HELZ: variants seen among roughly 807,000 people sequenced by gnomAD.
The protein encoded by HELZ is helicase with zinc finger.
Under a neutral mutation model 218.2 loss-of-function variants are expected in HELZ, and 23 were observed. The ratio of observed to expected loss-of-function variants is 0.11; its 90% CI spans 0.08 to 0.15. The LOEUF is 0.15. HELZ is among the 10% of genes least tolerant of loss of function. HELZ has a pLI of 1.00. For synonymous variants in HELZ, 814 were observed against 829.4 expected (o/e 0.98, Z 0.32); for missense variants, 1,813 against 2,353.7 (o/e 0.77, Z 4.75).
intron 13 of HELZ, among the ~76,000 whole-genome samples, chr17:67,175,501 C>G (rs560302058): frequency 1.3e-5 from 2 of 152,296 alleles, no homozygotes; most frequent in East Asian, 3.9e-4. Context: ...ACAAAATACT[C>G]TTTTAAGCAA....
chr17:67,079,739 T>C (rs1482342190), intron 32 of HELZ, among the ~76,000 whole-genome samples: 2 of 152,246 alleles, frequency 1.3e-5, no homozygotes, highest in Non-Finnish European at 2.9e-5. Context: ...CTTAGCCTAT[T>C]TTATTAAGTA....
chr17:67,160,420 G>C (rs1243954420), intron 16 of HELZ, 58 bp from the exon 17 acceptor site: 7 of 1,159,978 alleles, frequency 6.0e-6, no homozygotes, highest in Non-Finnish European at 8.8e-6. Flanking sequence ...TATTCAAGCA[G>C]TATAATACCA....
chr17:67,086,817 ACT>A lies in HELZ; in HGVS notation c.5494+10_5494+11del. On this transcript the variant is annotated intron_variant, in intron 32 of 32. Transcript: ENST00000358691. ...GAGTACAGATTAGTTTTAGCCACCAACTCTGTCTTACCTATCAACTCTCTGGG... is the reference window on the plus strand; with the variant it reads ...GAGTACAGATTAGTTTTAGCCACCAACTGTCTTACCTATCAACTCTCTGGG... 6.2e-7 allele frequency: 1 copy of A among 1,612,746 alleles called. No homozygotes were observed. Among genetic ancestry groups the A allele is most frequent in the Non-Finnish European group, 8.5e-7 (1 of 1,179,326 alleles).
intron 3 of HELZ, 91 bp from the exon 4 acceptor site, chr17:67,218,913 C>T: frequency 1.2e-6 from 1 of 850,110 alleles, no homozygotes; most frequent in Non-Finnish European, 1.9e-6. Context: ...GCTTAATTAT[C>T]TATCTGAATA....
chr17:67,158,971 C>T (rs973162621), intron 17 of HELZ, among the ~76,000 whole-genome samples: 3 of 152,100 alleles, frequency 2.0e-5, no homozygotes, highest in African/African-American at 4.8e-5. Context: ...TGTTTTCACA[C>T]CAAGTACACC....
At chr17:67,202,993 G>A (rs563026585) in intron 6 of HELZ, among the ~76,000 whole-genome samples, 5 of 151,874 alleles carry the variant, frequency 3.3e-5, no homozygotes, top group African/African-American at 7.2e-5. Context: ...ATGGTAGTGC[G>A]CATCTGTAGT....
intron 31 of HELZ, among the ~76,000 whole-genome samples, chr17:67,103,119 T>C (rs999159444): frequency 6.6e-6 from 1 of 152,154 alleles, no homozygotes; most frequent in African/African-American, 2.4e-5. Flanking sequence ...TCATAAGTGA[T>C]ATCAGCAAAA....
At chr17:67,245,434 G>T (rs559598139), upstream of HELZ, 11 of 964,136 alleles carry the variant, frequency 1.1e-5, no homozygotes, top group African/African-American at 1.8e-4. Flanking sequence ...CTCCTGCCCC[G>T]GCCTCCCTGC....
intron 23 of HELZ, among the ~76,000 whole-genome samples, chr17:67,133,291 C>T (rs1011911500): frequency 6.6e-6 from 1 of 152,004 alleles, no homozygotes; most frequent in Admixed American, 6.5e-5. Flanking sequence ...AAAAATTAGC[C>T]CTGGATAATT....
At chr17:67,138,205 C>T (rs1229983747) in intron 21 of HELZ, 91 bp from the exon 22 acceptor site, 4 of 1,096,126 alleles carry the variant, frequency 3.6e-6, no homozygotes, top group Non-Finnish European at 4.9e-6. Context: ...ATAAAGGATC[C>T]CATTTTAGCA....
chr17:67,130,172 T>C (rs1014724084), intron 23 of HELZ, among the ~76,000 whole-genome samples: 1 of 152,094 alleles, frequency 6.6e-6, no homozygotes, highest in Non-Finnish European at 1.5e-5. Context: ...ATACTGGAGA[T>C]TCAGAAGGTA....
At chr17:67,139,419 G>A (rs2038253779) in intron 21 of HELZ, among the ~76,000 whole-genome samples, 1 of 152,146 alleles carries the variant, frequency 6.6e-6, no homozygotes. Context: ...GGGGATAGAT[G>A]AGTTGGGAGA....
chr17:67,177,694 G>A (rs997737971), intron 13 of HELZ, among the ~76,000 whole-genome samples: 4 of 151,040 alleles, frequency 2.6e-5, no homozygotes, highest in Non-Finnish European at 4.4e-5. Flanking sequence ...AGGATTTAAA[G>A]TCTTAGAGTA....
chr17:67,087,716 T>C (rs1411825481), intron 31 of HELZ, among the ~76,000 whole-genome samples: 3 of 152,260 alleles, frequency 2.0e-5, no homozygotes, highest in Non-Finnish European at 4.4e-5. Flanking sequence ...ATATTTTATA[T>C]GTTTGAAACC....
chr17:67,124,156 T>A, intron 24 of HELZ, 142 bp from the exon 25 acceptor site: 1 of 549,906 alleles, frequency 1.8e-6, no homozygotes, highest in South Asian at 2.9e-5. Flanking sequence ...TAATAACCAT[T>A]AGACTGCTTT....
chr17:67,183,300 T>C (rs926375130), intron 12 of HELZ, among the ~76,000 whole-genome samples: 2 of 152,166 alleles, frequency 1.3e-5, no homozygotes, highest in Non-Finnish European at 2.9e-5. Context: ...TCCCTATTTC[T>C]CTCTCTGAAA....
At chr17:67,186,750 T>C (rs1490523615) in intron 12 of HELZ, among the ~76,000 whole-genome samples, 1 of 152,192 alleles carries the variant, frequency 6.6e-6, no homozygotes, top group Non-Finnish European at 1.5e-5. Flanking sequence ...AGCAAATTTC[T>C]AAAATACAAC....
At chr17:67,238,104 G>C (rs1005058238) in intron 3 of HELZ, among the ~76,000 whole-genome samples, 2 of 151,902 alleles carry the variant, frequency 1.3e-5, no homozygotes, top group African/African-American at 4.8e-5. Context: ...CCAGCACTTT[G>C]GGAGGCCAAG....
At chr17:67,206,423 C>A (rs773898770) in intron 5 of HELZ, among the ~76,000 whole-genome samples, 3 of 152,168 alleles carry the variant, frequency 2.0e-5, no homozygotes, top group Non-Finnish European at 2.9e-5. Flanking sequence ...CAAAATACAT[C>A]TTTGCTGGGG....
Sources: gnomAD v4.1 joint callset for allele counts (sites outside exome capture counted in the v4.1 genomes callset) on GRCh38, gnomAD v4.1.1 for gene constraint, MANE v1.5 for transcripts, NCBI Gene and HGNC (gene_info 2026-07-23, HGNC 2026-07-21) for gene names.